Variants in BTAF1 observed in about 807,000 individuals in gnomAD.
BTAF1 encodes the protein B-TFIID TATA-box binding protein associated factor 1.
In BTAF1, 38 loss-of-function variants were observed where a neutral mutation model predicts 227.1. That is an observed-to-expected ratio of 0.17 (90% CI 0.13 to 0.22). The LOEUF is 0.22. Ranked by LOEUF, BTAF1 falls within the 10% of genes least tolerant of loss-of-function variation. The pLI is 1.00. For missense variants in BTAF1, 1,598 were observed against 2,204.0 expected, an observed-to-expected ratio of 0.73 and a Z score of 5.51; for synonymous variants, 742 against 751.9, an observed-to-expected ratio of 0.99 and a Z score of 0.21.
chr10:91,944,168 A>AG (rs945384639), intron 4 of BTAF1, among the ~76,000 whole-genome samples: 1 of 151,364 alleles, frequency 6.6e-6, no homozygotes, highest in Non-Finnish European at 1.5e-5. Context: ...AAAAAAAAAA[A>AG]AGAAAAGTCC....
At chr10:92,028,313 T>C (rs1851664577) in intron 37 of BTAF1, among the ~76,000 whole-genome samples, 1 of 152,190 alleles carries the variant, frequency 6.6e-6, no homozygotes, top group Non-Finnish European at 1.5e-5. Context: ...ATTGGCAGAA[T>C]TTGAAAACAG....
At chr10:92,023,795 C>T (rs1018541647) in intron 34 of BTAF1, among the ~76,000 whole-genome samples, 3 of 152,106 alleles carry the variant, frequency 2.0e-5, no homozygotes, top group Non-Finnish European at 2.9e-5. Flanking sequence ...GCCACTACAC[C>T]TGGCTGTTTT....
intron 25 of BTAF1, among the ~76,000 whole-genome samples, chr10:91,998,139 A>G (rs1215230339): frequency 1.2e-4 from 18 of 151,340 alleles, no homozygotes; most frequent in East Asian, 9.7e-4. Context: ...AAAAAAAAAA[A>G]AAAAGAAAAG....
At chr10:91,938,697 A>G (rs1267021283) in intron 2 of BTAF1, among the ~76,000 whole-genome samples, 3 of 152,168 alleles carry the variant, frequency 2.0e-5, no homozygotes, top group African/African-American at 7.2e-5. Context: ...CAAGAAGTGT[A>G]TGTTGCCAAG....
intron 14 of BTAF1, among the ~76,000 whole-genome samples, chr10:91,978,623 C>T (rs2792020): frequency 6.6e-6 from 1 of 152,010 alleles, no homozygotes; most frequent in South Asian, 2.1e-4. Context: ...TTCCAAATTT[C>T]TCTTAAAAAC....
In BTAF1 at chr10:92,008,185, A is replaced by T; in HGVS notation, c.3723A>T (p.Arg1241=). ...TAATCCAATTGAAAGCCAAGGAGCG[A>T]CACTTTTTGGAGCAATTGTTAGATG... is the stretch of plus-strand genomic sequence containing the variant. ...AELIQLKAKE[R]HFLEQLLDGK... is the part of the protein sequence containing the mutation. The change falls in exon 26 of 38, where the codon CGA becomes CGT. Residue 1241 remains arginine (R), a synonymous_variant. Transcript: ENST00000265990. 1 of 1,605,142 alleles carries T rather than the reference A, an allele frequency of 6.2e-7. No homozygotes were observed. Among genetic ancestry groups the T allele is most frequent in the South Asian group, 1.1e-5 (1 of 88,730 alleles).
At chr10:91,986,627 C>T (rs1589882925) in intron 19 of BTAF1, among the ~76,000 whole-genome samples, 1 of 151,872 alleles carries the variant, frequency 6.6e-6, no homozygotes, top group Admixed American at 6.6e-5. Flanking sequence ...TTCCTTTTTG[C>T]CTCCTCTCCC....
chr10:91,957,114 A>T, intron 7 of BTAF1, 111 bp from the exon 8 acceptor site: 2 of 712,224 alleles, frequency 2.8e-6, no homozygotes, highest in Non-Finnish European at 4.4e-6. Flanking sequence ...TTAAATTTTT[A>T]AAAGCCTGAT....
chr10:92,026,541 T>C (rs2134188103), intron 35 of BTAF1, 51 bp from the exon 36 acceptor site: 1 of 1,418,252 alleles, frequency 7.1e-7, no homozygotes, highest in African/African-American at 1.4e-5. Flanking sequence ...TAACAGTTTC[T>C]GTTATAGGAC....
At chr10:91,946,316 G>A (rs554858413) in intron 4 of BTAF1, among the ~76,000 whole-genome samples, 10 of 152,258 alleles carry the variant, frequency 6.6e-5, no homozygotes, top group African/African-American at 2.4e-4. Flanking sequence ...CCAAGATCGC[G>A]CCATTGCACT....
chr10:91,986,155 G>A (rs1447846452), intron 19 of BTAF1, among the ~76,000 whole-genome samples: 1 of 151,896 alleles, frequency 6.6e-6, no homozygotes, highest in Non-Finnish European at 1.5e-5. Context: ...TAGAGGTTGA[G>A]GTTTGTTTTT....
chr10:91,996,529 A>G lies in BTAF1; in HGVS notation c.3470A>G (p.Asp1157Gly). Residue 1157 changes from aspartate (D) to glycine (G), a missense_variant, in exon 24 of 38, where the codon GAT becomes GGT. Coordinates refer to ENST00000265990, the MANE Select transcript of BTAF1 (RefSeq NM_003972.3). ...GTTCTTCCGTGGCTGGGAGCAATTG[A>G]TGACAGTGTCAAACAAGAGGGTGCA... ...EKVLPWLGAI[D>G]DSVKQEGAIE... 6.2e-7 allele frequency: 1 copy of G among 1,614,178 alleles called. No individual in the cohort carries two copies. The highest frequency in any genetic ancestry group is 8.5e-7 in the Non-Finnish European group (1 of 1,180,028).
At chr10:91,978,287 G>GA (rs1847824078) in intron 14 of BTAF1, among the ~76,000 whole-genome samples, 1 of 152,152 alleles carries the variant, frequency 6.6e-6, no homozygotes, top group Non-Finnish European at 1.5e-5. Flanking sequence ...AATATAGGGG[G>GA]AAAATCTTCC....
At chr10:91,950,225 T>G (rs1845676854) in intron 4 of BTAF1, among the ~76,000 whole-genome samples, 1 of 151,962 alleles carries the variant, frequency 6.6e-6, no homozygotes, top group African/African-American at 2.4e-5. Context: ...GGCTCTATCT[T>G]CAGGCTAAAA....
chr10:91,960,977 A>C (rs1444343990), intron 11 of BTAF1, among the ~76,000 whole-genome samples: 7 of 152,202 alleles, frequency 4.6e-5, no homozygotes, highest in Admixed American at 6.5e-5. Context: ...GTGCTGTGTA[A>C]TCTATATATA....
chr10:91,957,139 C>T, intron 7 of BTAF1, 86 bp from the exon 8 acceptor site: 2 of 1,089,968 alleles, frequency 1.8e-6, no homozygotes, highest in Non-Finnish European at 2.7e-6. Flanking sequence ...ACTACTAGAC[C>T]TAGAAATAAA....
chr10:91,948,584 G>A (rs1216537254), intron 4 of BTAF1, among the ~76,000 whole-genome samples: 1 of 150,234 alleles, frequency 6.7e-6, no homozygotes, highest in East Asian at 2.0e-4. Flanking sequence ...GTCTTGCTAT[G>A]TTACCCAGGC....
intron 4 of BTAF1, among the ~76,000 whole-genome samples, chr10:91,947,794 C>T (rs1845481197): frequency 6.9e-6 from 1 of 144,170 alleles, no homozygotes; most frequent in Admixed American, 7.0e-5. Context: ...TGTTGAATCT[C>T]TGTATACATT....
chr10:92,002,947 C>G (rs1201874076), intron 25 of BTAF1, among the ~76,000 whole-genome samples: 1 of 152,016 alleles, frequency 6.6e-6, no homozygotes, highest in East Asian at 1.9e-4. Context: ...ATCACGAGGT[C>G]AGGAGTTCAA....
Sources: allele counts gnomAD v4.1 joint callset (sites outside exome capture counted in the v4.1 genomes callset), GRCh38; gene constraint gnomAD v4.1.1; transcripts MANE v1.5; gene names NCBI Gene and HGNC (gene_info 2026-07-23, HGNC 2026-07-21).